ITPRIP: variants seen among roughly 807,000 people sequenced by gnomAD.
The protein encoded by ITPRIP is inositol 1,4,5-trisphosphate receptor-interacting protein.
A neutral mutation model predicts 35.8 loss-of-function variants in ITPRIP; 32 were observed. The observed-to-expected ratio is 0.89, with a 90% CI of 0.68 to 1.20. The LOEUF is 1.20. ITPRIP is among the 50% of genes most tolerant of loss of function. The probability of loss-of-function intolerance (pLI) is 0.00; values close to 1 mark genes in which losing one functional copy is unlikely to be tolerated. For synonymous variants in ITPRIP, 358 were observed against 324.0 expected (o/e 1.11, Z -1.13); for missense variants, 653 against 735.6 (o/e 0.89, Z 1.30).
chr10:104,327,298 G>A lies in ITPRIP; in HGVS notation c.-14+10948C>T, dbSNP rs571803749. On this transcript the variant is annotated intron_variant, in intron 1 of 1. Coordinates refer to ENST00000337478, the MANE Select transcript of ITPRIP (RefSeq NM_001272013.2). ...CCCAGTTAGCTCCCCAACCCTGCAC[G>A]TCTCCCCTCCCCATTTCAAGGGAGT... Among the ~76,000 whole-genome samples the A allele has an allele frequency of 7.2e-5, 11 of 152,094 alleles. No homozygotes were observed. The South Asian group carries it at 2.1e-3, about 29-fold the overall frequency.
In ITPRIP at chr10:104,314,264, A is replaced by G. The variant is rs2013564890; in HGVS notation, c.*144T>C. 5 of 1,490,640 alleles carry G rather than the reference A, an allele frequency of 3.4e-6. No homozygotes were observed. The East Asian group carries it at 1.2e-4, about 34-fold the overall frequency. 92.3% of individuals were successfully genotyped at this position (1,490,640 alleles called of 1,614,324 possible). ...TGAAATTCTGTTTCCTCTGCACTGT[A>G]GGGCTTGGCTTCCTGGCAGGCTGAG... On this transcript the variant is annotated 3_prime_UTR_variant, in exon 2 of 2. Coordinates refer to ENST00000337478, the MANE Select transcript of ITPRIP (RefSeq NM_001272013.2).
chr10:104,315,167 C>T lies in ITPRIP; in HGVS notation c.885G>A (p.Leu295=). The T allele has an allele frequency of 6.2e-7, 1 of 1,614,154 alleles. No individual in the cohort carries two copies. Among genetic ancestry groups the T allele is most frequent in the East Asian group, 2.2e-5 (1 of 44,864 alleles). ...NLLCATDSLY[L]DTMQVMKWFQ... ...ACCACTTCATGACCTGCATCGTGTC[C>T]AGGTACAGGGAATCTGTGGCACACA... The change falls in exon 2 of 2, where the codon CTG becomes CTA. Residue 295 remains leucine, a synonymous_variant. Coordinates refer to ENST00000337478, the MANE Select transcript of ITPRIP (RefSeq NM_001272013.2). This position sits in a 1 kb window ranked among gnomAD's most constrained non-coding sequence, Gnocchi z 5.7.
chr10:104,336,600 TCCC>T (rs1259127615), intron 1 of ITPRIP, among the ~76,000 whole-genome samples: 2 of 58,284 alleles, frequency 3.4e-5, no homozygotes, highest in Non-Finnish European at 6.3e-5. Flanking sequence ...AACCAAGTGA[TCCC>T]AACCAAGTGA....
intron 1 of ITPRIP, among the ~76,000 whole-genome samples, chr10:104,335,033 C>G (rs577069772): frequency 1.3e-5 from 2 of 152,186 alleles, no homozygotes; most frequent in Non-Finnish European, 2.9e-5. Context: ...TGAGCGGGCA[C>G]AGCTAAGAGC....
At position 104,314,963 on chromosome 10, in the gene ITPRIP, G is replaced by T; in HGVS notation, c.1089C>A (p.Ser363=). The T allele has an allele frequency of 4.3e-6, 7 of 1,613,880 alleles. No homozygotes were observed. The highest frequency in any genetic ancestry group is 1.6e-4 in the Middle Eastern group (1 of 6,062). ...CCTCAGAGGGCTCCCTGGGAAGGTG[G>T]GAGACAAAGTACAGGTCCGAGTCAT... ...QCDDSDLYFV[S]HLPREPSEGT... The change falls in exon 2 of 2, where the codon TCC becomes TCA. Residue 363 remains serine (S), a synonymous_variant. Coordinates refer to ENST00000337478, the MANE Select transcript of ITPRIP (RefSeq NM_001272013.2).
chr10:104,314,554 G>A lies in ITPRIP; in HGVS notation c.1498C>T (p.Leu500Phe). 6.2e-7 allele frequency: 1 copy of A among 1,614,172 alleles called. No individual in the cohort carries two copies. Among genetic ancestry groups the A allele is most frequent in the South Asian group, 1.1e-5 (1 of 91,088 alleles). ...AGGACGAAGGGCCGGAAGAGGTTGAGGGGCTCGGCCCTGAGCACGGCCTCA... is the reference window on the plus strand; with the variant it reads ...AGGACGAAGGGCCGGAAGAGGTTGAAGGGCTCGGCCCTGAGCACGGCCTCA... ...LPEAVLRAEP[L>F]NLFRPFVLQR... Residue 500 changes from leucine to phenylalanine, a missense_variant, in exon 2 of 2, where the codon CTC (leucine) becomes TTC (phenylalanine). Coordinates refer to ENST00000337478, the MANE Select transcript of ITPRIP (RefSeq NM_001272013.2).
At chr10:104,325,118 G>C (rs1461969018) in intron 1 of ITPRIP, among the ~76,000 whole-genome samples, 3 of 152,228 alleles carry the variant, frequency 2.0e-5, no homozygotes, top group Non-Finnish European at 4.4e-5. Flanking sequence ...TACTCAGGAG[G>C]CTTAGGTGTG....
At chr10:104,332,082 C>T (rs749810644) in intron 1 of ITPRIP, among the ~76,000 whole-genome samples, 8 of 152,118 alleles carry the variant, frequency 5.3e-5, no homozygotes, top group East Asian at 1.9e-4. Context: ...TGTTGTTGTC[C>T]GTTTGGGGCA....
At chr10:104,332,032 G>A (rs1473013391) in intron 1 of ITPRIP, among the ~76,000 whole-genome samples, 1 of 152,202 alleles carries the variant, frequency 6.6e-6, no homozygotes, top group Non-Finnish European at 1.5e-5. Context: ...AAGAGTCCAA[G>A]GCCCTGGGAG....
Position 104,315,411 on chromosome 10 carries a change from A to C in ITPRIP, c.641T>G (p.Phe214Cys). 6.3e-7 allele frequency: 1 copy of C among 1,587,240 alleles called. No homozygotes were observed. The highest frequency in any genetic ancestry group is 1.1e-5 in the South Asian group (1 of 87,018). ...GAAGCGGTAGGGCTCGGGGGGTGTG[A>C]AGGGCACGAAAAGGTGGCACAGCAG... ...RPLLCHLFVP[F>C]TPPEPYRFHP... The change falls in exon 2 of 2, where the codon TTC (phenylalanine) becomes TGC (cysteine). Residue 214 changes from phenylalanine to cysteine, a missense_variant. Physicochemically the swap from Phe to Cys is radical, Grantham distance 205 (BLOSUM62 -2). Transcript: ENST00000337478. The surrounding 1 kb of genome is among the most constrained non-coding windows in gnomAD (Gnocchi z 5.7).
At chr10:104,334,990 A>C (rs577504886) in intron 1 of ITPRIP, among the ~76,000 whole-genome samples, 46 of 152,334 alleles carry the variant, frequency 3.0e-4, no homozygotes, top group African/African-American at 1.1e-3. Flanking sequence ...GCTTGAGTCC[A>C]AACCACTCTG....
chr10:104,335,981 T>TA (rs2014226628), intron 1 of ITPRIP, among the ~76,000 whole-genome samples: 1 of 151,980 alleles, frequency 6.6e-6, no homozygotes, highest in Non-Finnish European at 1.5e-5. Flanking sequence ...AGTGGTTGTT[T>TA]ATCAGGGCTG....
In ITPRIP at chr10:104,312,743, A is replaced by G. The variant is rs1319829664; in HGVS notation, c.*1665T>C. 2.0e-6 allele frequency: 2 copies of G among 985,078 alleles called. No individual in the cohort carries two copies. Among genetic ancestry groups the G allele is most frequent in the East Asian group, 2.3e-4 (2 of 8,788 alleles). 61.0% of individuals were successfully genotyped at this position (985,078 alleles called of 1,614,324 possible). ...AGGGTCCATCTTCTCAAGCTTTCTG[A>G]GGCTGGTTGAGAGCACTCCTGGGGA... is the stretch of plus-strand genomic sequence containing the variant. On this transcript the variant is annotated 3_prime_UTR_variant, in exon 2 of 2. Coordinates refer to ENST00000337478, the MANE Select transcript of ITPRIP (RefSeq NM_001272013.2).
rs1446017398 is a variant in ITPRIP at position 104,315,763 on chromosome 10, A to G, written c.289T>C (p.Phe97Leu). ...TGCCGCCACACCTCGATCATCAGGA[A>G]GAGGATCATGCAGAGGGTGCTCCAG... ...DLWSTLCMIL[F>L]LMIEVWRQDH... Residue 97 changes from phenylalanine (F) to leucine (L), a missense_variant, in exon 2 of 2, where the codon TTC becomes CTC. Phe to Leu is a conservative substitution (Grantham distance 22, BLOSUM62 0). Coordinates refer to ENST00000337478, the MANE Select transcript of ITPRIP (RefSeq NM_001272013.2). This position sits in a 1 kb window ranked among gnomAD's most constrained non-coding sequence, Gnocchi z 5.7. The G allele has an allele frequency of 6.2e-7, 1 of 1,613,836 alleles. No homozygotes were observed. Among genetic ancestry groups the G allele is most frequent in the Non-Finnish European group, 8.5e-7 (1 of 1,179,996 alleles).
rs1462411128 is a variant in ITPRIP at position 104,326,201 on chromosome 10, T to A, written c.-13-10137A>T. ...AGAATGCCAACTCTGTTCTCAGGAC[T>A]GGGTCATGGGGGTGGTCTGCCAGCC... is the stretch of plus-strand genomic sequence containing the variant. On this transcript the variant is annotated intron_variant, in intron 1 of 1. Coordinates refer to ENST00000337478, the MANE Select transcript of ITPRIP (RefSeq NM_001272013.2). This position sits in a 1 kb window ranked among gnomAD's most constrained non-coding sequence, Gnocchi z 4.8. 6.6e-6 allele frequency: 1 copy of A among 152,286 alleles called. No individual in the cohort carries two copies. The highest frequency in any genetic ancestry group is 1.5e-5 in the Non-Finnish European group (1 of 68,164). 9.4% of individuals were successfully genotyped at this position (152,286 alleles called of 1,614,324 possible). A position where few individuals can be genotyped will look rare whatever the true frequency, so the allele number is the denominator to read the frequency against.
chr10:104,337,720 C>T (rs1221463279), intron 1 of ITPRIP, among the ~76,000 whole-genome samples: 1 of 151,934 alleles, frequency 6.6e-6, no homozygotes, highest in Non-Finnish European at 1.5e-5. Context: ...TTTATCCGGC[C>T]TGAAGCAGCC....
intron 1 of ITPRIP, among the ~76,000 whole-genome samples, chr10:104,334,795 C>A (rs961500977): frequency 1.3e-5 from 2 of 152,240 alleles, no homozygotes; most frequent in African/African-American, 4.8e-5. Flanking sequence ...CTGCCTGGTT[C>A]TGACTCCAGC....
rs1564865599 is a variant in ITPRIP at position 104,326,474 on chromosome 10, T to C, written c.-13-10410A>G. On this transcript the variant is annotated intron_variant, in intron 1 of 1. Coordinates refer to ENST00000337478, the MANE Select transcript of ITPRIP (RefSeq NM_001272013.2). This position sits in a 1 kb window ranked among gnomAD's most constrained non-coding sequence, Gnocchi z 4.8. ...GACAGACAGACAAACGCCTGATCTCTATGGCTGGGTTGTGGAGAGGACAGT... is the reference window on the plus strand; with the variant it reads ...GACAGACAGACAAACGCCTGATCTCCATGGCTGGGTTGTGGAGAGGACAGT... 1 of 152,344 alleles carries C rather than the reference T, an allele frequency of 6.6e-6. No individual in the cohort carries two copies. 9.4% of individuals were successfully genotyped at this position (152,344 alleles called of 1,614,324 possible).
chr10:104,314,227 C>T lies in ITPRIP; in HGVS notation c.*181G>A. On this transcript the variant is annotated 3_prime_UTR_variant, in exon 2 of 2. Transcript: ENST00000337478. ...GCAGATCCCAATGGTATGAAGCAAACCAGCTTCCCGTTGAAATTCTGTTTC... is the reference window on the plus strand; with the variant it reads ...GCAGATCCCAATGGTATGAAGCAAATCAGCTTCCCGTTGAAATTCTGTTTC... 1 of 1,418,288 alleles carries T rather than the reference C, an allele frequency of 7.1e-7. No individual in the cohort carries two copies. Among genetic ancestry groups the T allele is most frequent in the Non-Finnish European group, 9.2e-7 (1 of 1,089,322 alleles). The allele number at this position is 1,418,288 out of a possible 1,614,324, so 87.9% of individuals were successfully genotyped here. A position where few individuals can be genotyped will look rare whatever the true frequency, so the allele number is the denominator to read the frequency against.
Sources: gnomAD v4.1 joint callset for allele counts (sites outside exome capture counted in the v4.1 genomes callset) on GRCh38, gnomAD v4.1.1 for gene constraint, Gnocchi (gnomAD v3.1) non-coding constraint, MANE v1.5 for transcripts, NCBI Gene and HGNC (gene_info 2026-07-23, HGNC 2026-07-21) for gene names.